The following VWC2L variants were observed in gnomAD, a reference collection of about 807,000 sequenced individuals.
VWC2L encodes von Willebrand factor C domain containing 2 like.
Under a neutral mutation model 21.6 loss-of-function variants are expected in VWC2L, and 10 were observed. The ratio of observed to expected loss-of-function variants is 0.46; its 90% CI spans 0.29 to 0.78. The LOEUF (loss-of-function observed/expected upper bound fraction) is 0.78. Among genes scored for constraint, VWC2L ranks in the 30% least tolerant of loss-of-function variants. The pLI, the probability that VWC2L is intolerant of heterozygous loss-of-function variation, is 0.10. For missense variants in VWC2L, 209 were observed against 277.1 expected, an observed-to-expected ratio of 0.75 and a Z score of 1.74; for synonymous variants, 96 against 94.3, an observed-to-expected ratio of 1.02 and a Z score of -0.10.
chr2:214,539,856 T>C (rs1358667081), intron 3 of VWC2L, among the ~76,000 whole-genome samples: 1 of 152,186 alleles, frequency 6.6e-6, no homozygotes, highest in Admixed American at 6.5e-5. Context: ...ACCACTAAAA[T>C]AATTTTTTAA....
chr2:214,439,533 T>C (rs1282704234), intron 3 of VWC2L, among the ~76,000 whole-genome samples: 1 of 151,986 alleles, frequency 6.6e-6, no homozygotes, highest in Non-Finnish European at 1.5e-5. Flanking sequence ...TTCTTAAATC[T>C]TCATAAATGG....
Position 214,575,924 on chromosome 2 carries a change from A to G in VWC2L, c.*104A>G, listed in dbSNP as rs1690222934. On this transcript the variant is annotated 3_prime_UTR_variant, in exon 4 of 4. Coordinates refer to ENST00000312504, the MANE Select transcript of VWC2L (RefSeq NM_001080500.4). ...AACAAACAAACTCCTGCCAGCTACA[A>G]CAGGGTCACCAGCAAAACTTTCTAG... The G allele has an allele frequency of 2.2e-6, 3 of 1,367,244 alleles. No homozygotes were observed. The highest frequency in any genetic ancestry group is 3.0e-6 in the Non-Finnish European group (3 of 1,012,002). The allele number at this position is 1,367,244 out of a possible 1,614,324, so 84.7% of individuals were successfully genotyped here. A position where few individuals can be genotyped will look rare whatever the true frequency, so the allele number is the denominator to read the frequency against.
At chr2:214,439,672 GC>G (rs1702735344) in intron 3 of VWC2L, among the ~76,000 whole-genome samples, 1 of 151,730 alleles carries the variant, frequency 6.6e-6, no homozygotes, top group Non-Finnish European at 1.5e-5. Context: ...AAAGCATGAG[GC>G]ATTAAAGTTA....
intron 3 of VWC2L, among the ~76,000 whole-genome samples, chr2:214,457,963 G>A (rs1196921229): frequency 6.6e-6 from 1 of 152,116 alleles, no homozygotes; most frequent in East Asian, 1.9e-4. Flanking sequence ...TTTGGTATCA[G>A]GGTGATGCTG....
At chr2:214,459,517 C>A (rs930885231) in intron 3 of VWC2L, among the ~76,000 whole-genome samples, 4 of 152,102 alleles carry the variant, frequency 2.6e-5, no homozygotes, top group Non-Finnish European at 5.9e-5. Context: ...ACATTTGAAT[C>A]CTTTCTCTTC....
chr2:214,549,966 G>A (rs1347025930), intron 3 of VWC2L, among the ~76,000 whole-genome samples: 2 of 151,940 alleles, frequency 1.3e-5, no homozygotes, highest in African/African-American at 4.8e-5. Flanking sequence ...ACACTGAGCT[G>A]GATCAAAGAT....
At chr2:214,471,767 C>A (rs1703313385) in intron 3 of VWC2L, among the ~76,000 whole-genome samples, 1 of 152,260 alleles carries the variant, frequency 6.6e-6, no homozygotes, top group Admixed American at 6.5e-5. Context: ...TCATAGGGTT[C>A]TATAAATTAT....
chr2:214,510,614 C>T (rs1045424245), intron 3 of VWC2L, among the ~76,000 whole-genome samples: 7 of 152,206 alleles, frequency 4.6e-5, no homozygotes, highest in Admixed American at 2.6e-4. Flanking sequence ...AATACTGAAG[C>T]AAAATTCATT....
At chr2:214,450,731 T>A (rs1439716089) in intron 3 of VWC2L, among the ~76,000 whole-genome samples, 2 of 151,488 alleles carry the variant, frequency 1.3e-5, no homozygotes, top group Non-Finnish European at 2.9e-5. Context: ...GCTGGGAGAG[T>A]GGGATGGAAA....
At chr2:214,454,367 ATCAT>A (rs1483274501) in intron 3 of VWC2L, among the ~76,000 whole-genome samples, 19 of 152,054 alleles carry the variant, frequency 1.2e-4, no homozygotes, top group African/African-American at 3.9e-4. Flanking sequence ...TTGTAGGATA[ATCAT>A]TCAGTCTTTC....
At chr2:214,465,571 C>T (rs1353146533) in intron 3 of VWC2L, among the ~76,000 whole-genome samples, 2 of 152,190 alleles carry the variant, frequency 1.3e-5, no homozygotes, top group East Asian at 3.9e-4. Context: ...AACTCCTGGA[C>T]CTGTGAGCTG....
chr2:214,489,186 T>C (rs1353695009), intron 3 of VWC2L, among the ~76,000 whole-genome samples: 11 of 152,210 alleles, frequency 7.2e-5, no homozygotes, highest in Admixed American at 7.2e-4. Flanking sequence ...CATAGTCATA[T>C]CAGCTAGTGC....
intron 3 of VWC2L, among the ~76,000 whole-genome samples, chr2:214,450,548 G>A (rs75817080): frequency 0.01 from 1,570 of 152,308 alleles, 25 homozygotes; most frequent in African/African-American, 0.035. Flanking sequence ...TTTTCCTAAT[G>A]TGGTGCATTC....
At chr2:214,513,243 G>A (rs771660318) in intron 3 of VWC2L, among the ~76,000 whole-genome samples, 1 of 152,064 alleles carries the variant, frequency 6.6e-6, no homozygotes, top group Non-Finnish European at 1.5e-5. Flanking sequence ...TCATGCACTA[G>A]ACCTTTCCCC....
chr2:214,476,309 G>A (rs73987346), intron 3 of VWC2L, among the ~76,000 whole-genome samples: 8,527 of 152,194 alleles, frequency 0.056, 756 homozygotes, highest in African/African-American at 0.19. Context: ...CATTCCAATT[G>A]ATAGTTTATA....
intron 3 of VWC2L, among the ~76,000 whole-genome samples, chr2:214,444,638 G>A (rs1050563187): frequency 6.6e-6 from 1 of 151,892 alleles, no homozygotes; most frequent in Non-Finnish European, 1.5e-5. Flanking sequence ...CCTACCAGCT[G>A]TATTAATATA....
At chr2:214,437,269 C>A (rs542114124) in intron 3 of VWC2L, among the ~76,000 whole-genome samples, 2 of 152,010 alleles carry the variant, frequency 1.3e-5, no homozygotes, top group Non-Finnish European at 2.9e-5. Flanking sequence ...AAGTTTAGGG[C>A]CTTTATTGTA....
intron 3 of VWC2L, among the ~76,000 whole-genome samples, chr2:214,537,778 CTTT>C (rs1395264195): frequency 4.0e-5 from 6 of 151,874 alleles, no homozygotes; most frequent in Admixed American, 1.3e-4. Context: ...ATATTCAGGC[CTTT>C]TTTATTTGTT....
In VWC2L at chr2:214,505,740, A is replaced by G. The variant is rs551869456; in HGVS notation, c.520+68982A>G. Among the ~76,000 whole-genome samples, 6 of 152,256 alleles carry G rather than the reference A, an allele frequency of 3.9e-5. No homozygotes were observed. In the East Asian group the frequency reaches 1.2e-3, roughly 29 times the overall value. The stretch of plus-strand genomic sequence containing the variant: ...CTGGCCCTGTATTCAATTCAATATC[A>G]TTCCCAATCATTAAAAGAAAAAAAA... On this transcript the variant is annotated intron_variant, in intron 3 of 3. Coordinates refer to ENST00000312504, the MANE Select transcript of VWC2L (RefSeq NM_001080500.4).
Sources: gnomAD v4.1 joint callset for allele counts (sites outside exome capture counted in the v4.1 genomes callset) on GRCh38, gnomAD v4.1.1 for gene constraint, MANE v1.5 for transcripts, NCBI Gene and HGNC (gene_info 2026-07-23, HGNC 2026-07-21) for gene names.